PPM1B: variants seen among roughly 807,000 people sequenced by gnomAD.
PPM1B encodes the protein protein phosphatase, Mg2+/Mn2+ dependent 1B.
Under a neutral mutation model 43.0 loss-of-function variants are expected in PPM1B, and 22 were observed. The observed-to-expected ratio is 0.51, with a 90% CI of 0.37 to 0.73. PPM1B has a LOEUF of 0.73. Ranked by LOEUF, PPM1B falls within the 30% of genes least tolerant of loss-of-function variation. The pLI is 0.00. For missense variants in PPM1B, 632 were observed against 584.2 expected (o/e 1.08, Z -0.84); for synonymous variants, 217 against 197.9 (o/e 1.10, Z -0.81).
At chr2:44,179,652 T>G (rs1043294185) in intron 1 of PPM1B, among the ~76,000 whole-genome samples, 1 of 152,096 alleles carries the variant, frequency 6.6e-6, no homozygotes, top group African/African-American at 2.4e-5. Context: ...TGTTTAAGAG[T>G]TTTTAGATAT....
downstream of PPM1B, chr2:44,232,192 A>G: frequency 7.2e-7 from 1 of 1,386,752 alleles, no homozygotes; most frequent in Non-Finnish European, 9.9e-7. Context: ...TCTCTGTAAA[A>G]GTACCCTTTT....
At chr2:44,195,383 A>AT (rs936379218) in intron 1 of PPM1B, among the ~76,000 whole-genome samples, 5 of 150,858 alleles carry the variant, frequency 3.3e-5, no homozygotes, top group South Asian at 2.1e-4. Context: ...TTTTTCCCCA[A>AT]TTTTTTTTGG....
chr2:44,243,064 A>C (rs926451700), intron 5 of PPM1B, among the ~76,000 whole-genome samples: 5 of 152,096 alleles, frequency 3.3e-5, no homozygotes, highest in South Asian at 4.1e-4. Flanking sequence ...TTTCCCCCCC[A>C]AAAAAATCAC....
chr2:44,193,269 A>C (rs1668493497), intron 1 of PPM1B, among the ~76,000 whole-genome samples: 1 of 152,168 alleles, frequency 6.6e-6, no homozygotes, highest in South Asian at 2.1e-4. Flanking sequence ...GTGTGAGATG[A>C]TATGTCATTG....
rs746113686 is a variant in PPM1B, at chr2:44,177,915, C to CTT, written c.-15+8659_-15+8660dup. 1.6e-3 allele frequency among the ~76,000 whole-genome samples: 170 copies of CTT among 106,254 alleles called. 3 individuals carry two copies. The highest frequency in any genetic ancestry group is 5.3e-3 in the African/African-American group (156 of 29,502). 69.7% of individuals were successfully genotyped at this position (106,254 alleles called of 152,430 possible). A position where few individuals can be genotyped will look rare whatever the true frequency, so the allele number is the denominator to read the frequency against. On this transcript the variant is annotated intron_variant, in intron 1 of 5. Coordinates refer to ENST00000282412, the MANE Select transcript of PPM1B (RefSeq NM_002706.6). ...ATTCCATTGTATGATTAGAACAGTT[C>CTT]TTTTTTTTTTTTTTTTTTTAATAAG...
At chr2:44,239,677 C>T (rs1012719935) in intron 5 of PPM1B, among the ~76,000 whole-genome samples, 9 of 152,168 alleles carry the variant, frequency 5.9e-5, no homozygotes, top group African/African-American at 2.2e-4. Context: ...ATGTTACCTT[C>T]CAGCCATTTT....
chr2:44,217,662 C>G (rs1669785106), intron 3 of PPM1B, among the ~76,000 whole-genome samples: 1 of 152,166 alleles, frequency 6.6e-6, no homozygotes. Context: ...AATGGCTACA[C>G]CAAAGTTTTT....
In PPM1B at chr2:44,226,959, TATTTATTTATTTATGAATGA is replaced by T. The variant is rs1206656212; in HGVS notation, c.1135-3451_1135-3432del. Among the ~76,000 whole-genome samples the T allele has an allele frequency of 4.2e-5, 6 of 142,046 alleles. No individual in the cohort carries two copies. In the South Asian group the frequency reaches 1.2e-3, roughly 28 times the overall value. 93.2% of individuals were successfully genotyped at this position (142,046 alleles called of 152,430 possible). ...TTATTTATTTATTTATTTATTTATT[TATTTATTTATTTATGAATGA>T]ATGAATGAATGAATGACAGGGTCTT... On this transcript the variant is annotated intron_variant, in intron 5 of 5. Transcript: ENST00000282412.
chr2:44,218,542 GTTTTA>G lies in PPM1B; in HGVS notation c.1134+14_1134+18del, dbSNP rs201620412. ...CCACATAGAGAAAGTGATGGGGTAA[GTTTTA>G]TTTTATTTCATAAGCATTTGAAGTA... is the stretch of plus-strand genomic sequence containing the variant. On this transcript the variant is annotated splice_donor_region_variant and intron_variant, in intron 5 of 5. Coordinates refer to ENST00000282412, the MANE Select transcript of PPM1B (RefSeq NM_002706.6). The G allele has an allele frequency of 2.0e-3, 3,195 of 1,565,766 alleles. 52 individuals carry two copies. The African/African-American group carries it at 0.039, about 19-fold the overall frequency.
At chr2:44,191,901 C>T (rs1668419610) in intron 1 of PPM1B, among the ~76,000 whole-genome samples, 1 of 151,740 alleles carries the variant, frequency 6.6e-6, no homozygotes, top group African/African-American at 2.4e-5. Flanking sequence ...CTTTTTGTGT[C>T]TCTGTATGTG....
chr2:44,226,979 A>ATTTATTT lies in PPM1B; in HGVS notation c.1135-3434_1135-3433insTTTATTT, dbSNP rs1558430115. ...TTATTTATTTATTTATTTATGAATG[A>ATTTATTT]ATGAATGAATGAATGACAGGGTCTT... On this transcript the variant is annotated intron_variant, in intron 5 of 5. Transcript: ENST00000282412. 7.6e-4 allele frequency among the ~76,000 whole-genome samples: 93 copies of ATTTATTT among 121,804 alleles called. No individual in the cohort carries two copies. The East Asian group carries it at 0.01, about 13-fold the overall frequency. 79.9% of individuals were successfully genotyped at this position (121,804 alleles called of 152,430 possible).
At chr2:44,219,875 G>A (rs1338730193) in intron 5 of PPM1B, among the ~76,000 whole-genome samples, 5 of 151,794 alleles carry the variant, frequency 3.3e-5, no homozygotes, top group South Asian at 2.1e-4. Context: ...CCCGGGAGGC[G>A]GAGGTTGTGG....
chr2:44,176,851 G>A (rs367669521), intron 1 of PPM1B, among the ~76,000 whole-genome samples: 2 of 152,036 alleles, frequency 1.3e-5, no homozygotes, highest in South Asian at 2.1e-4. Flanking sequence ...GTGCAATCTC[G>A]GCTCATTGCA....
At chr2:44,207,266 C>T (rs1220378293) in intron 2 of PPM1B, among the ~76,000 whole-genome samples, 1 of 152,220 alleles carries the variant, frequency 6.6e-6, no homozygotes, top group Non-Finnish European at 1.5e-5. Flanking sequence ...AAGTCTGAAC[C>T]GAGCCATGCC....
chr2:44,208,271 G>A (rs1669288379), intron 2 of PPM1B, among the ~76,000 whole-genome samples: 1 of 152,220 alleles, frequency 6.6e-6, no homozygotes, highest in East Asian at 1.9e-4. Flanking sequence ...AGCTATTTTA[G>A]CCACTTTATA....
intron 2 of PPM1B, among the ~76,000 whole-genome samples, chr2:44,206,927 C>G (rs1669219167): frequency 6.6e-6 from 1 of 152,032 alleles, no homozygotes; most frequent in Non-Finnish European, 1.5e-5. Flanking sequence ...CTTGAACTGC[C>G]CTTATGACAT....
intron 1 of PPM1B, among the ~76,000 whole-genome samples, chr2:44,193,434 C>T (rs1668501533): frequency 6.6e-6 from 1 of 151,364 alleles, no homozygotes; most frequent in Non-Finnish European, 1.5e-5. Context: ...CATGTTGTCA[C>T]TCTGTTACCC....
intron 5 of PPM1B, chr2:44,244,123 A>G: frequency 2.2e-6 from 1 of 447,516 alleles, no homozygotes; most frequent in Non-Finnish European, 3.2e-6. Flanking sequence ...TTTTAAATGT[A>G]TACCTTCTTA....
chr2:44,223,743 G>A (rs1039206311), intron 5 of PPM1B, among the ~76,000 whole-genome samples: 1 of 147,618 alleles, frequency 6.8e-6, no homozygotes, highest in East Asian at 2.0e-4. Context: ...GTGAACCTGG[G>A]AGGTGGAGCT....
Sources: allele counts gnomAD v4.1 joint callset (sites outside exome capture counted in the v4.1 genomes callset), GRCh38; gene constraint gnomAD v4.1.1; transcripts MANE v1.5; gene names NCBI Gene and HGNC (gene_info 2026-07-23, HGNC 2026-07-21).